Variants in MGAT4C observed in about 807,000 individuals in gnomAD.
The protein encoded by MGAT4C is MGAT4 family member C.
MGAT4C carries 19 observed loss-of-function variants against 40.1 expected under a neutral mutation model. The ratio of observed to expected loss-of-function variants is 0.47; its 90% CI spans 0.33 to 0.70. The LOEUF is 0.70. Among genes scored for constraint, MGAT4C ranks in the 30% least tolerant of loss-of-function variants. The pLI is 0.02. For synonymous variants in MGAT4C, 181 were observed against 187.1 expected (o/e 0.97, Z 0.27); for missense variants, 491 against 563.2 (o/e 0.87, Z 1.30).
intron 1 of MGAT4C, among the ~76,000 whole-genome samples, chr12:86,764,521 C>A (rs1420232650): frequency 7.0e-6 from 1 of 142,278 alleles, no homozygotes; most frequent in Non-Finnish European, 1.6e-5. Context: ...GTGGTTCTCC[C>A]AGCACGCAGC....
chr12:86,705,891 T>C (rs1284578641), intron 2 of MGAT4C, among the ~76,000 whole-genome samples: 3 of 152,210 alleles, frequency 2.0e-5, no homozygotes, highest in Admixed American at 6.6e-5. Context: ...GAGGATGTCA[T>C]GTAACACAAT....
chr12:86,686,206 T>G (rs1008320024), intron 2 of MGAT4C, among the ~76,000 whole-genome samples: 9 of 152,022 alleles, frequency 5.9e-5, no homozygotes, highest in African/African-American at 2.2e-4. Context: ...GCACATTGAT[T>G]TTGTATTCTG....
chr12:86,618,726 A>G (rs1170195284), intron 2 of MGAT4C, among the ~76,000 whole-genome samples: 5 of 151,716 alleles, frequency 3.3e-5, no homozygotes, highest in Non-Finnish European at 7.4e-5. Context: ...GGGCACAAAC[A>G]TACAGTTAGA....
In MGAT4C at chr12:86,599,080, AG is replaced by A. The variant is rs1961656728; in HGVS notation, c.-229+128128del. Among the ~76,000 whole-genome samples the A allele has an allele frequency of 2.6e-5, 4 of 152,266 alleles. No homozygotes were observed. The South Asian group carries it at 8.3e-4, about 32-fold the overall frequency. ...TTCTTCACTGCATATAAACTGCTAAAGGTAGAATGGGGAGAGTGTTATTTCT... is the reference window on the plus strand; with the variant it reads ...TTCTTCACTGCATATAAACTGCTAAAGTAGAATGGGGAGAGTGTTATTTCT... On this transcript the variant is annotated intron_variant, in intron 2 of 7. Transcript: ENST00000548651.
intron 4 of MGAT4C, among the ~76,000 whole-genome samples, chr12:86,326,709 T>G (rs1219733643): frequency 1.3e-5 from 2 of 152,166 alleles, no homozygotes; most frequent in Non-Finnish European, 1.5e-5. Context: ...AAAACCCACT[T>G]GAGCCTTTAC....
At chr12:86,627,135 G>T (rs1278293088) in intron 2 of MGAT4C, among the ~76,000 whole-genome samples, 1 of 146,606 alleles carries the variant, frequency 6.8e-6, no homozygotes, top group East Asian at 2.1e-4. Flanking sequence ...AGCAGTCCAA[G>T]ATCGAACTGC....
intron 1 of MGAT4C, among the ~76,000 whole-genome samples, chr12:86,190,337 A>G (rs1889242924): frequency 1.3e-5 from 2 of 152,164 alleles, no homozygotes; most frequent in East Asian, 3.9e-4. Context: ...AAAGAGGATA[A>G]TTCAACTTTT....
At chr12:86,028,480 T>C (rs554345889) in intron 2 of MGAT4C, among the ~76,000 whole-genome samples, 2 of 152,066 alleles carry the variant, frequency 1.3e-5, no homozygotes, top group South Asian at 2.1e-4. Flanking sequence ...TACTCTTATT[T>C]CTTTACACAA....
At chr12:86,663,944 GTTTCTGTA>G (rs1337989571) in intron 2 of MGAT4C, among the ~76,000 whole-genome samples, 1 of 152,088 alleles carries the variant, frequency 6.6e-6, no homozygotes, top group African/African-American at 2.4e-5. Flanking sequence ...AGTTGCTTGA[GTTTCTGTA>G]TTTCTTTTAA....
At chr12:86,716,232 T>A (rs754580364) in intron 2 of MGAT4C, among the ~76,000 whole-genome samples, 1 of 152,126 alleles carries the variant, frequency 6.6e-6, no homozygotes, top group Non-Finnish European at 1.5e-5. Flanking sequence ...ATTAATTTAC[T>A]ATTAATTAAA....
chr12:86,435,039 A>G (rs573893405), intron 3 of MGAT4C: 1 of 152,118 alleles, frequency 6.6e-6, no homozygotes, highest in South Asian at 2.1e-4. Flanking sequence ...TTTCAAAGAA[A>G]AAACATTTTC....
At chr12:86,055,637 A>G (rs979086061) in intron 1 of MGAT4C, among the ~76,000 whole-genome samples, 2 of 152,074 alleles carry the variant, frequency 1.3e-5, no homozygotes, top group African/African-American at 2.4e-5. Context: ...ATTTCCATGT[A>G]TGCAAAGGAT....
intron 4 of MGAT4C, among the ~76,000 whole-genome samples, chr12:86,315,843 A>G (rs1566282349): frequency 6.6e-6 from 1 of 152,106 alleles, no homozygotes; most frequent in Non-Finnish European, 1.5e-5. Context: ...GACAAGATTG[A>G]CAAGTGGTAC....
intron 2 of MGAT4C, among the ~76,000 whole-genome samples, chr12:86,507,162 T>C (rs374529141): frequency 2.0e-4 from 31 of 152,166 alleles, no homozygotes; most frequent in African/African-American, 6.5e-4. Flanking sequence ...GATAAAAATG[T>C]CTCTCTGAGT....
At chr12:86,806,904 T>C (rs916537440) in intron 1 of MGAT4C, among the ~76,000 whole-genome samples, 1 of 151,682 alleles carries the variant, frequency 6.6e-6, no homozygotes, top group Non-Finnish European at 1.5e-5. Flanking sequence ...ATACCTAATG[T>C]GAATAACGAG....
chr12:86,196,403 C>A (rs1185318130), intron 1 of MGAT4C, among the ~76,000 whole-genome samples: 1 of 152,242 alleles, frequency 6.6e-6, no homozygotes, highest in African/African-American at 2.4e-5. Context: ...GTGGCCTGGG[C>A]AGCCCTGCCC....
chr12:86,517,947 C>T (rs1958725299), intron 2 of MGAT4C, among the ~76,000 whole-genome samples: 1 of 152,114 alleles, frequency 6.6e-6, no homozygotes, highest in South Asian at 2.1e-4. Context: ...CGTGCCCGGC[C>T]GACTTTGTGT....
chr12:86,291,145 A>C (rs1258103265), intron 4 of MGAT4C, among the ~76,000 whole-genome samples: 1 of 152,210 alleles, frequency 6.6e-6, no homozygotes, highest in Non-Finnish European at 1.5e-5. Flanking sequence ...GATAGCAAAG[A>C]AATGAAACAT....
intron 1 of MGAT4C, among the ~76,000 whole-genome samples, chr12:86,167,138 T>A (rs1328166607): frequency 6.6e-6 from 1 of 152,178 alleles, no homozygotes; most frequent in Non-Finnish European, 1.5e-5. Context: ...AAACTAGGTT[T>A]CTTATTCTAT....
Sources: allele counts gnomAD v4.1 joint callset (sites outside exome capture counted in the v4.1 genomes callset), GRCh38; gene constraint gnomAD v4.1.1; transcripts MANE v1.5; gene names NCBI Gene and HGNC (gene_info 2026-07-23, HGNC 2026-07-21).